Variants in SLCO4A1 observed in about 807,000 individuals in gnomAD.
SLCO4A1 encodes the protein solute carrier organic anion transporter family member 4A1.
In SLCO4A1, 51 loss-of-function variants were observed where a neutral mutation model predicts 64.6. The ratio of observed to expected loss-of-function variants is 0.79; its 90% CI spans 0.63 to 1.00. SLCO4A1 has a LOEUF of 1.00. Ranked by LOEUF, SLCO4A1 falls within the 50% of genes least tolerant of loss-of-function variation. The pLI, the probability that SLCO4A1 is intolerant of heterozygous loss-of-function variation, is 0.00. For synonymous variants in SLCO4A1, 471 were observed against 444.9 expected, an observed-to-expected ratio of 1.06 and a Z score of -0.74; for missense variants, 919 against 980.5, an observed-to-expected ratio of 0.94 and a Z score of 0.84.
intron 2 of SLCO4A1, among the ~76,000 whole-genome samples, chr20:62,677,342 G>A (rs912507615): frequency 3.9e-5 from 6 of 152,166 alleles, no homozygotes; most frequent in Admixed American, 1.3e-4. Context: ...TGCATTCATC[G>A]CTGACTGCCT....
intron 1 of SLCO4A1, among the ~76,000 whole-genome samples, chr20:62,648,090 A>G (rs1981716149): frequency 6.6e-6 from 1 of 152,262 alleles, no homozygotes. Context: ...CTCCAGGGAC[A>G]CATTATCCCC....
In SLCO4A1 at chr20:62,666,446, G is replaced by C; in HGVS notation, c.1343G>C (p.Arg448Thr). Reference sequence around the variant, plus strand: ...GGCGGCTTCTTTGTGAACAAGCTCAGGCTCCGGGGCTCCGCGGTCATCAAG... The same window carrying C: ...GGCGGCTTCTTTGTGAACAAGCTCACGCTCCGGGGCTCCGCGGTCATCAAG... Reference protein sequence around the residue: ...FLGGFFVNKLRLRGSAVIKFC... With the variant: ...FLGGFFVNKLTLRGSAVIKFC... The change falls in exon 7 of 12, where the codon AGG (arginine) becomes ACG (threonine). Residue 448 changes from arginine to threonine, a missense_variant. Arg to Thr is a moderately conservative substitution (Grantham distance 71). Transcript: ENST00000217159. 4 of 1,613,420 alleles carry C rather than the reference G, an allele frequency of 2.5e-6. No individual in the cohort carries two copies. Among genetic ancestry groups the C allele is most frequent in the Non-Finnish European group, 3.4e-6 (4 of 1,179,976 alleles).
rs753128482 is a variant in SLCO4A1 at position 62,660,472 on chromosome 20, C to T, written c.948C>T (p.Gly316=). Residue 316 remains glycine, a synonymous_variant, in exon 4 of 12, where the codon GGC becomes GGT. Coordinates refer to ENST00000217159, the MANE Select transcript of SLCO4A1 (RefSeq NM_016354.4). ...WVGAWWVGFL[G]SGAAAFFTAV... ...GCGCCTGGTGGGTCGGCTTCCTGGG[C>T]TCTGGGGCCGCTGCTTTCTTCACCG... 2.5e-6 allele frequency: 4 copies of T among 1,603,602 alleles called. No homozygotes were observed. The highest frequency in any genetic ancestry group is 3.4e-6 in the Non-Finnish European group (4 of 1,179,926).
Position 62,668,028 on chromosome 20 carries a change from G to A in SLCO4A1, c.1655G>A (p.Ser552Asn). 6.2e-7 allele frequency: 1 copy of A among 1,614,066 alleles called. No individual in the cohort carries two copies. Among genetic ancestry groups the A allele is most frequent in the Non-Finnish European group, 8.5e-7 (1 of 1,180,048 alleles). The change falls in exon 9 of 12, where the codon AGC (serine) becomes AAC (asparagine). Residue 552 changes from serine (S) to asparagine (N), a missense_variant. Transcript: ENST00000217159. ...VDGQKVYRDC[S>N]CIPQNLSSGF... ...GCTTCCCAGGTGTACCGAGACTGTA[G>A]CTGTATCCCTCAGAATCTTTCCTCT...
chr20:62,667,559 A>C, intron 7 of SLCO4A1, 186 bp from the exon 8 acceptor site: 1 of 658,138 alleles, frequency 1.5e-6, no homozygotes, highest in Non-Finnish European at 2.6e-6. Flanking sequence ...AGGAAAAACC[A>C]TTCTATCACC....
downstream of SLCO4A1, among the ~76,000 whole-genome samples, chr20:62,690,482 C>T (rs1361414442): frequency 2.6e-5 from 4 of 152,188 alleles, no homozygotes; most frequent in Admixed American, 2.0e-4. Context: ...TCCACCGAGC[C>T]GCAGGCCAGA....
At chr20:62,677,599 A>T (rs1987652054) in intron 2 of SLCO4A1, among the ~76,000 whole-genome samples, 1 of 152,166 alleles carries the variant, frequency 6.6e-6, no homozygotes, top group Non-Finnish European at 1.5e-5. Context: ...AAGGGGGCGT[A>T]GAGACCTGCA....
chr20:62,671,702 G>A, intron 11 of SLCO4A1, 48 bp from the exon 12 acceptor site: 1 of 1,575,484 alleles, frequency 6.3e-7, no homozygotes, highest in South Asian at 1.1e-5. Flanking sequence ...GTATCCAAAG[G>A]CTCTGGCCGA....
At position 62,667,932 on chromosome 20, in the gene SLCO4A1, C is replaced by T. The variant is rs370222557; in HGVS notation, c.1638+22C>T. 4.0e-5 allele frequency: 65 copies of T among 1,614,026 alleles called. No individual in the cohort carries two copies. The African/African-American group carries it at 4.4e-4, about 11-fold the overall frequency. Reference sequence around the variant, plus strand: ...GAAGGTGAGTGGAGCCGCTGCCTACCGCCCCTGTCCTCCCCTGGACCCTGG... The same window carrying T: ...GAAGGTGAGTGGAGCCGCTGCCTACTGCCCCTGTCCTCCCCTGGACCCTGG... On this transcript the variant is annotated intron_variant, in intron 8 of 11. Coordinates refer to ENST00000217159, the MANE Select transcript of SLCO4A1 (RefSeq NM_016354.4).
At chr20:62,662,848 G>A (rs1052170377) in intron 5 of SLCO4A1, among the ~76,000 whole-genome samples, 2 of 13,434 alleles carry the variant, frequency 1.5e-4, no homozygotes, top group East Asian at 2.6e-3. Flanking sequence ...CCCCCCACAC[G>A]CCGGGACCCC....
chr20:62,644,843 G>T lies in SLCO4A1; in HGVS notation c.-97+2290G>T, dbSNP rs1234138881. On this transcript the variant is annotated intron_variant, in intron 1 of 11. Coordinates refer to ENST00000217159, the MANE Select transcript of SLCO4A1 (RefSeq NM_016354.4). The surrounding 1 kb of genome is among the most constrained non-coding windows in gnomAD (Gnocchi z 5.4). ...CAGCAGATGGTTGTAGGTGGTCAGA[G>T]ATGAGCCACAGAAAAGCCAACGTGC... is the stretch of plus-strand genomic sequence containing the variant. 2.6e-5 allele frequency among the ~76,000 whole-genome samples: 4 copies of T among 152,244 alleles called. No individual in the cohort carries two copies. The highest frequency in any genetic ancestry group is 7.2e-5 in the African/African-American group (3 of 41,466).
chr20:62,690,454 C>T (rs1275227571), downstream of SLCO4A1, among the ~76,000 whole-genome samples: 1 of 152,210 alleles, frequency 6.6e-6, no homozygotes, highest in East Asian at 1.9e-4. Flanking sequence ...GCTGCATGCT[C>T]TCACTCCACG....
chr20:62,678,935 GGGGCT>G (rs1987708918), intron 2 of SLCO4A1, among the ~76,000 whole-genome samples: 1 of 152,180 alleles, frequency 6.6e-6, no homozygotes, highest in Admixed American at 6.5e-5. Flanking sequence ...AAAGTAGCAT[GGGGCT>G]GGGCAAGGTG....
chr20:62,672,004 CT>C lies in SLCO4A1; in HGVS notation c.*112del. 1 of 1,589,262 alleles carries C rather than the reference CT, an allele frequency of 6.3e-7. No individual in the cohort carries two copies. Among genetic ancestry groups the C allele is most frequent in the Non-Finnish European group, 8.5e-7 (1 of 1,174,258 alleles). On this transcript the variant is annotated 3_prime_UTR_variant, in exon 12 of 12. Coordinates refer to ENST00000217159, the MANE Select transcript of SLCO4A1 (RefSeq NM_016354.4). The stretch of plus-strand genomic sequence containing the variant: ...GAACTTCTATTTGACCTGCAACCTT[CT>C]ACTTAACCTGTGGTTTAAAGTCGGC...
chr20:62,653,384 TCCC>T, intron 1 of SLCO4A1, among the ~76,000 whole-genome samples: 1 of 152,192 alleles, frequency 6.6e-6, no homozygotes, highest in East Asian at 1.9e-4. Flanking sequence ...CATGGCCTGC[TCCC>T]GGCCTGACCA....
At position 62,685,401 on chromosome 20, in the gene SLCO4A1, C is replaced by A. The variant is rs986811071; in HGVS notation, n.212-40C>A. On this transcript the variant is annotated intron_variant and non_coding_transcript_variant, in intron 2 of 2. Coordinates refer to the SLCO4A1 transcript ENST00000466818. The surrounding 1 kb of genome is among the most constrained non-coding windows in gnomAD (Gnocchi z 4.6). ...TCCACTCTGCTGTGGCCTGACCAAG[C>A]GGGCTGTTTTCTTGCTTTGTTTGTT... 5.1e-6 allele frequency: 5 copies of A among 979,396 alleles called. No homozygotes were observed. Among genetic ancestry groups the A allele is most frequent in the Non-Finnish European group, 6.1e-6 (5 of 824,544 alleles). 60.7% of individuals were successfully genotyped at this position (979,396 alleles called of 1,614,324 possible). A position where few individuals can be genotyped will look rare whatever the true frequency, so the allele number is the denominator to read the frequency against.
chr20:62,676,981 C>T (rs990887015), downstream of SLCO4A1, among the ~76,000 whole-genome samples: 35 of 152,210 alleles, frequency 2.3e-4, no homozygotes, highest in Admixed American at 7.9e-4. Flanking sequence ...TGAAGCCCTG[C>T]GCTATGGTGT....
chr20:62,687,337 G>A (rs550238848), downstream of SLCO4A1, among the ~76,000 whole-genome samples: 214 of 151,862 alleles, frequency 1.4e-3, no homozygotes, highest in South Asian at 0.01. Context: ...ACCCTGGGGC[G>A]TCTACACTGA....
chr20:62,658,616 A>C, intron 2 of SLCO4A1, 61 bp from the exon 3 acceptor site: 3 of 1,388,658 alleles, frequency 2.2e-6, no homozygotes, highest in Non-Finnish European at 3.0e-6. Flanking sequence ...GGGGCCCCAC[A>C]CGGCCCTCCG....
Sources: gnomAD v4.1 joint callset for allele counts (sites outside exome capture counted in the v4.1 genomes callset) on GRCh38, gnomAD v4.1.1 for gene constraint, Gnocchi (gnomAD v3.1) non-coding constraint, MANE v1.5 for transcripts, NCBI Gene and HGNC (gene_info 2026-07-23, HGNC 2026-07-21) for gene names.